Variants in GRID2 observed in about 807,000 individuals in gnomAD.
GRID2 encodes glutamate receptor ionotropic, delta-2.
In GRID2, 33 loss-of-function variants were observed where a neutral mutation model predicts 114.8. The ratio of observed to expected loss-of-function variants is 0.29; its 90% confidence interval spans 0.22 to 0.38. GRID2 has a LOEUF of 0.38. Among genes scored for constraint, GRID2 ranks in the 10% least tolerant of loss-of-function variants. GRID2 has a pLI of 1.00. For missense variants in GRID2, 1,184 were observed against 1,257.7 expected, an observed-to-expected ratio of 0.94 and a Z score of 0.89; for synonymous variants, 505 against 449.9, an observed-to-expected ratio of 1.12 and a Z score of -1.55.
intron 11 of GRID2, among the ~76,000 whole-genome samples, chr4:93,475,180 G>A (rs1440887945): frequency 1.3e-5 from 2 of 152,026 alleles, no homozygotes; most frequent in Non-Finnish European, 2.9e-5. Flanking sequence ...GAAAGTGTAA[G>A]AACTTCCTGG....
chr4:93,186,729 T>A (rs1036504610), intron 4 of GRID2, among the ~76,000 whole-genome samples: 1 of 152,170 alleles, frequency 6.6e-6, no homozygotes, highest in Admixed American at 6.5e-5. Flanking sequence ...GAATTTAGGT[T>A]GCATATGTCA....
chr4:92,923,718 T>C (rs1303431521), intron 2 of GRID2, among the ~76,000 whole-genome samples: 1 of 152,174 alleles, frequency 6.6e-6, no homozygotes, highest in East Asian at 1.9e-4. Flanking sequence ...TACAGATAGC[T>C]CCATGAATAT....
At chr4:93,681,322 A>T (rs1488608713) in intron 14 of GRID2, among the ~76,000 whole-genome samples, 1 of 151,696 alleles carries the variant, frequency 6.6e-6, no homozygotes, top group African/African-American at 2.4e-5. Context: ...ATGGGTAGGA[A>T]GAATCAATAT....
intron 8 of GRID2, among the ~76,000 whole-genome samples, chr4:93,391,566 G>T (rs1764854689): frequency 6.6e-6 from 1 of 152,044 alleles, no homozygotes; most frequent in South Asian, 2.1e-4. Context: ...AATTCCATTT[G>T]GTATTCAATT....
chr4:92,521,263 G>C (rs1579509950), intron 1 of GRID2, among the ~76,000 whole-genome samples: 1 of 151,772 alleles, frequency 6.6e-6, no homozygotes, highest in Non-Finnish European at 1.5e-5. Context: ...AAATTTCACA[G>C]TTGTCTTAGA....
chr4:92,807,946 C>T (rs747663869), intron 2 of GRID2, among the ~76,000 whole-genome samples: 1 of 151,926 alleles, frequency 6.6e-6, no homozygotes, highest in Non-Finnish European at 1.5e-5. Flanking sequence ...AACCTGTGAA[C>T]ATATTACCTA....
At chr4:92,875,594 C>G (rs750203379) in intron 2 of GRID2, among the ~76,000 whole-genome samples, 1 of 151,956 alleles carries the variant, frequency 6.6e-6, no homozygotes, top group South Asian at 2.1e-4. Flanking sequence ...ATAGCTAATT[C>G]TTTTAGAATA....
At chr4:92,347,482 G>C (rs560322677) in intron 1 of GRID2, among the ~76,000 whole-genome samples, 2 of 152,264 alleles carry the variant, frequency 1.3e-5, no homozygotes, top group African/African-American at 4.8e-5. Flanking sequence ...TTTAAGTACA[G>C]AAAAGTGTAA....
chr4:92,407,339 G>A (rs186754248), intron 1 of GRID2, among the ~76,000 whole-genome samples: 46 of 152,240 alleles, frequency 3.0e-4, no homozygotes, highest in African/African-American at 1.0e-3. Context: ...CTGTTGATGG[G>A]CGCATAGGTT....
chr4:93,131,948 A>T, intron 4 of GRID2, among the ~76,000 whole-genome samples: 1 of 152,108 alleles, frequency 6.6e-6, no homozygotes, highest in Middle Eastern at 3.4e-3. Context: ...CAGTATTGTT[A>T]TATCTGTGAT....
At chr4:93,683,544 A>T (rs1725794390) in intron 14 of GRID2, among the ~76,000 whole-genome samples, 1 of 152,100 alleles carries the variant, frequency 6.6e-6, no homozygotes, top group African/African-American at 2.4e-5. Flanking sequence ...TGAGTCGTAA[A>T]GTGAGGAGTT....
At chr4:93,593,141 T>C (rs1738589726) in intron 13 of GRID2, among the ~76,000 whole-genome samples, 1 of 151,888 alleles carries the variant, frequency 6.6e-6, no homozygotes, top group Non-Finnish European at 1.5e-5. Context: ...TGCAGTTTCT[T>C]CCTAGTCTCG....
intron 4 of GRID2, among the ~76,000 whole-genome samples, chr4:93,205,769 C>T (rs28390166): frequency 0.68 from 102,636 of 150,954 alleles, 35,434 homozygotes; most frequent in Middle Eastern, 0.86. Context: ...TTGACAGTCC[C>T]ACCAACAGTG....
chr4:93,350,316 A>C (rs1353607079), intron 8 of GRID2, among the ~76,000 whole-genome samples: 2 of 152,098 alleles, frequency 1.3e-5, no homozygotes, highest in Non-Finnish European at 2.9e-5. Flanking sequence ...ATGCTTTAGC[A>C]GTCCTCAAGA....
chr4:92,690,108 A>C (rs1332924226), intron 2 of GRID2, among the ~76,000 whole-genome samples: 1 of 152,074 alleles, frequency 6.6e-6, no homozygotes, highest in East Asian at 1.9e-4. Flanking sequence ...CAGCATGCTT[A>C]ATGGGCACCT....
chr4:93,092,429 G>A (rs1730870069), intron 3 of GRID2, among the ~76,000 whole-genome samples: 1 of 151,980 alleles, frequency 6.6e-6, no homozygotes, highest in South Asian at 2.1e-4. Flanking sequence ...CTTGCAGTGG[G>A]AGTGGACAAC....
intron 2 of GRID2, among the ~76,000 whole-genome samples, chr4:92,823,474 A>G (rs1342566939): frequency 6.6e-6 from 1 of 152,158 alleles, no homozygotes; most frequent in Non-Finnish European, 1.5e-5. Context: ...GAAGCAAATT[A>G]TGCTGTCTAT....
Position 92,922,602 on chromosome 4 carries a change from A to G in GRID2, c.245-162393A>G, listed in dbSNP as rs536122469. Among the ~76,000 whole-genome samples the G allele has an allele frequency of 2.0e-4, 30 of 152,320 alleles. No individual in the cohort carries two copies. In the South Asian group the frequency reaches 6.0e-3, roughly 31 times the overall value. On this transcript the variant is annotated intron_variant, in intron 2 of 15. Coordinates refer to ENST00000282020, the MANE Select transcript of GRID2 (RefSeq NM_001510.4). ...TATGAAATTACAAAAACATAAGAAT[A>G]TTTCTAAGAAGAAACTCACTATGTA...
intron 2 of GRID2, among the ~76,000 whole-genome samples, chr4:93,011,905 C>T (rs933225960): frequency 3.3e-5 from 5 of 151,864 alleles, no homozygotes; most frequent in Admixed American, 1.3e-4. Context: ...CTTCTAGCTT[C>T]GGTTTTATAA....
Sources: allele counts gnomAD v4.1 joint callset (sites outside exome capture counted in the v4.1 genomes callset), GRCh38; gene constraint gnomAD v4.1.1; transcripts MANE v1.5; gene names NCBI Gene and HGNC (gene_info 2026-07-23, HGNC 2026-07-21).